AFF3: variants seen among roughly 807,000 people sequenced by gnomAD.
AFF3 encodes ALF transcription elongation factor 3.
Under a neutral mutation model 129.7 loss-of-function variants are expected in AFF3, and 32 were observed. That is an observed-to-expected ratio of 0.25 (90% confidence interval 0.19 to 0.33). The LOEUF (loss-of-function observed/expected upper bound fraction) is 0.33, where lower values mean the gene tolerates loss of function less well. AFF3 is among the 10% of genes least tolerant of loss of function. The probability of loss-of-function intolerance (pLI) is 1.00; values close to 1 mark genes in which losing one functional copy is unlikely to be tolerated. For missense variants in AFF3, 1,373 were observed against 1,592.0 expected (o/e 0.86, Z 2.34); for synonymous variants, 644 against 635.4 (o/e 1.01, Z -0.20).
intron 7 of AFF3, among the ~76,000 whole-genome samples, chr2:99,898,464 G>A (rs1694127361): frequency 6.6e-6 from 1 of 152,270 alleles, no homozygotes; most frequent in South Asian, 2.1e-4. Flanking sequence ...AGCTCTCCAA[G>A]CCCATCGCCT....
intron 13 of AFF3, among the ~76,000 whole-genome samples, chr2:99,619,360 G>C (rs371057493): frequency 5.3e-5 from 8 of 152,258 alleles, no homozygotes; most frequent in African/African-American, 1.9e-4. Flanking sequence ...CAGGCTTGTG[G>C]CCATATCAGC....
At chr2:100,064,359 A>T (rs1468984848) in intron 4 of AFF3, among the ~76,000 whole-genome samples, 1 of 152,140 alleles carries the variant, frequency 6.6e-6, no homozygotes. Context: ...TCAATATGAC[A>T]CTAAACCTAC....
chr2:99,821,084 G>T (rs141537207), intron 8 of AFF3, among the ~76,000 whole-genome samples: 1 of 151,964 alleles, frequency 6.6e-6, no homozygotes, highest in Non-Finnish European at 1.5e-5. Flanking sequence ...TGTTGGCCAG[G>T]CTGGTCTCCA....
intron 7 of AFF3, among the ~76,000 whole-genome samples, chr2:99,999,793 G>C (rs901839793): frequency 6.6e-6 from 1 of 152,198 alleles, no homozygotes; most frequent in Non-Finnish European, 1.5e-5. Flanking sequence ...GAGGCACCAG[G>C]CCATCTGGCC....
At chr2:99,611,853 C>T (rs910300901) in intron 13 of AFF3, among the ~76,000 whole-genome samples, 1 of 151,626 alleles carries the variant, frequency 6.6e-6, no homozygotes, top group Non-Finnish European at 1.5e-5. Context: ...CGTTACTGCA[C>T]TCCAGCCTGG....
At chr2:99,568,674 G>T (rs1299735712) in intron 19 of AFF3, among the ~76,000 whole-genome samples, 178 bp downstream of exon 19, 1 of 152,092 alleles carries the variant, frequency 6.6e-6, no homozygotes, top group African/African-American at 2.4e-5. Flanking sequence ...AGGCATTATT[G>T]GTTGAAGTCA....
rs1231978174 is a variant in AFF3 at position 100,129,294 on chromosome 2, T to C, written c.-215A>G. ...GGCTGATCGTAAGGTCTAAATCATA[T>C]GTGTGAAACTTTCTGCAAAACAAAA... On this transcript the variant is annotated 5_prime_UTR_variant, in exon 2 of 25. Transcript: ENST00000672756. The C allele has an allele frequency of 6.6e-6, 1 of 152,150 alleles. No homozygotes were observed. The highest frequency in any genetic ancestry group is 2.4e-5 in the African/African-American group (1 of 41,436). 9.4% of individuals were successfully genotyped at this position (152,150 alleles called of 1,614,324 possible). A position where few individuals can be genotyped will look rare whatever the true frequency, so the allele number is the denominator to read the frequency against.
At chr2:100,056,059 T>A (rs1415200838) in intron 4 of AFF3, among the ~76,000 whole-genome samples, 27 of 114,664 alleles carry the variant, frequency 2.4e-4, no homozygotes, top group East Asian at 4.4e-4. Context: ...TCGCTGTCTC[T>A]CTCTCACACA....
intron 7 of AFF3, among the ~76,000 whole-genome samples, chr2:99,962,299 A>T (rs1677304760): frequency 6.6e-6 from 1 of 152,184 alleles, no homozygotes; most frequent in African/African-American, 2.4e-5. Context: ...AGTCCACAAA[A>T]GTAGCCTGTG....
intron 4 of AFF3, among the ~76,000 whole-genome samples, chr2:100,099,339 C>T (rs1440236706): frequency 1.3e-5 from 2 of 152,208 alleles, no homozygotes; most frequent in African/African-American, 4.8e-5. Context: ...CTGGAGGAAG[C>T]CGCCCACTGG....
intron 2 of AFF3, among the ~76,000 whole-genome samples, chr2:100,119,116 G>T (rs1573459313): frequency 1.3e-5 from 2 of 152,172 alleles, no homozygotes; most frequent in African/African-American, 2.4e-5. Context: ...TTCTGGATTT[G>T]TATACACATA....
chr2:99,731,494 C>A (rs1357815763), intron 10 of AFF3, among the ~76,000 whole-genome samples: 2 of 152,096 alleles, frequency 1.3e-5, no homozygotes, highest in Non-Finnish European at 2.9e-5. Context: ...AATGAGGAAA[C>A]TCACCCATCT....
intron 7 of AFF3, among the ~76,000 whole-genome samples, chr2:99,931,071 G>C (rs1249962573): frequency 2.0e-5 from 3 of 152,126 alleles, no homozygotes; most frequent in South Asian, 4.2e-4. Flanking sequence ...CGGTTCATAG[G>C]TTTAAGACAT....
chr2:99,952,185 G>A (rs537373994), intron 7 of AFF3, among the ~76,000 whole-genome samples: 1 of 152,266 alleles, frequency 6.6e-6, no homozygotes, highest in East Asian at 1.9e-4. Flanking sequence ...GCCCTTTGCT[G>A]CTGTTCTTGT....
At chr2:100,092,737 C>T (rs937231534) in intron 4 of AFF3, among the ~76,000 whole-genome samples, 18 of 151,996 alleles carry the variant, frequency 1.2e-4, no homozygotes, top group Middle Eastern at 3.4e-3. Context: ...ATCCCTACCC[C>T]GCTCCCAGCC....
intron 2 of AFF3, among the ~76,000 whole-genome samples, chr2:100,127,820 A>G (rs1003856063): frequency 6.6e-6 from 1 of 152,066 alleles, no homozygotes; most frequent in Non-Finnish European, 1.5e-5. Context: ...AACCAGAGCA[A>G]CTCCATCTTG....
chr2:99,662,931 T>A (rs940444974), intron 12 of AFF3, among the ~76,000 whole-genome samples: 2 of 152,196 alleles, frequency 1.3e-5, no homozygotes, highest in African/African-American at 2.4e-5. Context: ...CTTGGCTGCC[T>A]GAATGCAGAT....
chr2:99,686,160 A>T (rs1242357333), intron 11 of AFF3, among the ~76,000 whole-genome samples: 1 of 152,172 alleles, frequency 6.6e-6, no homozygotes, highest in Admixed American at 6.5e-5. Context: ...ACTGCACTCC[A>T]GCCTGGGCGA....
intron 8 of AFF3, among the ~76,000 whole-genome samples, chr2:99,814,387 C>T (rs1003398579): frequency 2.6e-4 from 40 of 152,230 alleles, no homozygotes; most frequent in African/African-American, 9.1e-4. Context: ...GTGAACTGCA[C>T]TCCCACCTAC....
Sources: allele counts gnomAD v4.1 joint callset (sites outside exome capture counted in the v4.1 genomes callset), GRCh38; gene constraint gnomAD v4.1.1; transcripts MANE v1.5; gene names NCBI Gene and HGNC (gene_info 2026-07-23, HGNC 2026-07-21).